CS: variants seen among roughly 807,000 people sequenced by gnomAD.
CS encodes citrate synthase, also known as citrate synthase, mitochondrial.
CS carries 13 observed loss-of-function variants against 61.4 expected under a neutral mutation model. The observed-to-expected ratio is 0.21, with a 90% CI of 0.14 to 0.34. CS has a LOEUF of 0.34. CS is among the 10% of genes least tolerant of loss of function. CS has a pLI of 1.00. For missense variants in CS, 278 were observed against 573.4 expected, an observed-to-expected ratio of 0.48 and a Z score of 5.26; for synonymous variants, 159 against 215.2, an observed-to-expected ratio of 0.74 and a Z score of 2.29.
In CS at chr12:56,287,425, T is replaced by C. The variant is rs1872971994; in HGVS notation, c.43-780A>G. Among the ~76,000 whole-genome samples the C allele has an allele frequency of 3.2e-5, 4 of 125,472 alleles. No homozygotes were observed. The South Asian group carries it at 9.8e-4, about 31-fold the overall frequency. 82.3% of individuals were successfully genotyped at this position (125,472 alleles called of 152,430 possible). On this transcript the variant is annotated intron_variant, in intron 1 of 10. Coordinates refer to ENST00000351328, the MANE Select transcript of CS (RefSeq NM_004077.3). ...TAAACCTTGGAGGCAGAGGTTGCAG[T>C]GAGCCAAGATTGTGCCACTGCACTC... is the stretch of plus-strand genomic sequence containing the variant.
chr12:56,291,856 C>G (rs904003010), intron 1 of CS: 1 of 152,234 alleles, frequency 6.6e-6, no homozygotes, highest in Non-Finnish European at 1.5e-5. Flanking sequence ...CAATGTCTGA[C>G]AGCCAGTATT....
chr12:56,287,479 C>CAAAAAAAA (rs61199207), intron 1 of CS, among the ~76,000 whole-genome samples: 4 of 44,716 alleles, frequency 8.9e-5, no homozygotes, highest in Non-Finnish European at 8.0e-5. Context: ...AAGACTCTGT[C>CAAAAAAAA]AAAAAAAAAA....
At chr12:56,293,475 G>C (rs1168721886) in intron 1 of CS, among the ~76,000 whole-genome samples, 1 of 152,198 alleles carries the variant, frequency 6.6e-6, no homozygotes, top group Non-Finnish European at 1.5e-5. Context: ...CCAACACCTT[G>C]GGAGGCCAAG....
In CS at chr12:56,287,479, CAAAAAAAAAAAAAAA is replaced by C. The variant is rs61199207; in HGVS notation, c.43-849_43-835del. On this transcript the variant is annotated intron_variant, in intron 1 of 10. Transcript: ENST00000351328. ...CCTGGGCAAATGAGCAAGACTCTGT[CAAAAAAAAAAAAAAA>C]AAAAAAAAAAAAAAAAGAGAGAGAG... Among the ~76,000 whole-genome samples the C allele has an allele frequency of 7.4e-4, 33 of 44,740 alleles. 2 individuals are homozygous for C. Among genetic ancestry groups the C allele is most frequent in the Middle Eastern group, 0.024 (1 of 42 alleles). The allele number at this position is 44,740 out of a possible 152,430, so 29.4% of individuals were successfully genotyped here.
chr12:56,280,181 C>T (rs888954228), intron 6 of CS, among the ~76,000 whole-genome samples: 37 of 151,594 alleles, frequency 2.4e-4, no homozygotes, highest in Admixed American at 7.9e-4. Flanking sequence ...TTTGGGAGGC[C>T]GAGGTGGGCA....
intron 2 of CS, 36 bp downstream of exon 2, chr12:56,286,559 T>C (rs1457142645): frequency 1.2e-6 from 2 of 1,607,236 alleles, no homozygotes; most frequent in African/African-American, 1.3e-5. Flanking sequence ...CTGGCCGCAA[T>C]GATTCTTATT....
intron 10 of CS, 95 bp downstream of exon 10, chr12:56,273,492 C>T: frequency 7.8e-7 from 1 of 1,278,910 alleles, no homozygotes; most frequent in Non-Finnish European, 1.1e-6. Flanking sequence ...TGAGGGAAGT[C>T]CCTGCTCTGA....
At chr12:56,279,826 G>A (rs1872721952) in intron 6 of CS, among the ~76,000 whole-genome samples, 1 of 151,048 alleles carries the variant, frequency 6.6e-6, no homozygotes, top group African/African-American at 2.4e-5. Context: ...AAATTAGCCA[G>A]GCGTGGTGGT....
chr12:56,273,361 G>A (rs1872557703), intron 10 of CS, 107 bp from the exon 11 acceptor site: 1 of 1,217,804 alleles, frequency 8.2e-7, no homozygotes, highest in African/African-American at 1.5e-5. Context: ...TTTCTCCAAG[G>A]ACTTAGCCCA....
At chr12:56,285,760 C>T (rs1224111288) in intron 3 of CS, among the ~76,000 whole-genome samples, 156 bp downstream of exon 3, 1 of 152,176 alleles carries the variant, frequency 6.6e-6, no homozygotes, top group African/African-American at 2.4e-5. Flanking sequence ...ATCAGCTGAG[C>T]TGCTCAGAAT....
In CS at chr12:56,276,212, A is replaced by G. The variant is rs768803065; in HGVS notation, c.589-17T>C. The G allele has an allele frequency of 6.2e-7, 1 of 1,611,926 alleles. No individual in the cohort carries two copies. Among genetic ancestry groups the G allele is most frequent in the Non-Finnish European group, 8.5e-7 (1 of 1,178,164 alleles). On this transcript the variant is annotated splice_polypyrimidine_tract_variant and intron_variant, in intron 6 of 10. Transcript: ENST00000351328. The stretch of plus-strand genomic sequence containing the variant: ...ATAAATCAACTGACAGAAGAGGAGC[A>G]AGATGGAGAAAAAAAAAGGAATTAT...
intron 6 of CS, among the ~76,000 whole-genome samples, chr12:56,281,661 A>T (rs948518413): frequency 2.6e-5 from 4 of 152,170 alleles, no homozygotes; most frequent in Non-Finnish European, 4.4e-5. Flanking sequence ...GTTAAGTCAC[A>T]TCCTTTTCTT....
At chr12:56,298,536 G>C (rs1038548518) in intron 1 of CS, 18 of 676,284 alleles carry the variant, frequency 2.7e-5, no homozygotes, top group Non-Finnish European at 3.1e-5. Context: ...TCAGAAATGA[G>C]CTAATTATAG....
chr12:56,273,692 C>G lies in CS; in HGVS notation c.1125G>C (p.Lys375Asn). 6.2e-7 allele frequency: 1 copy of G among 1,614,190 alleles called. No individual in the cohort carries two copies. Residue 375 changes from lysine to asparagine, a missense_variant, in exon 10 of 11, where the codon AAG (lysine) becomes AAC (asparagine). Physicochemically the swap from Lys to Asn is moderately conservative, Grantham distance 94 (BLOSUM62 0). Around this residue, in one of 2 missense-constraint regions of CS, gnomAD observed 223 missense variants for 503.5 expected, o/e 0.44. Coordinates refer to ENST00000351328, the MANE Select transcript of CS (RefSeq NM_004077.3). ...LKHLPNDPMF[K>N]LVAQLYKIVP... The stretch of plus-strand genomic sequence containing the variant: ...CAATCTTGTACAGCTGAGCAACCAA[C>G]TTAAACATGGGGTCATTAGGCAGGT...
intron 1 of CS, among the ~76,000 whole-genome samples, chr12:56,292,039 A>C (rs1027596522): frequency 3.9e-5 from 6 of 152,214 alleles, no homozygotes; most frequent in African/African-American, 1.4e-4. Flanking sequence ...ATAAAAATTA[A>C]AAGAGGCCAG....
chr12:56,293,946 A>C (rs940760884), intron 1 of CS, among the ~76,000 whole-genome samples: 1 of 152,190 alleles, frequency 6.6e-6, no homozygotes, highest in African/African-American at 2.4e-5. Flanking sequence ...GAGAACACGA[A>C]CACAAATAGG....
intron 1 of CS, among the ~76,000 whole-genome samples, chr12:56,287,478 T>TC (rs1215757929): frequency 6.2e-5 from 2 of 32,044 alleles, no homozygotes; most frequent in African/African-American, 1.5e-4. Flanking sequence ...CAAGACTCTG[T>TC]CAAAAAAAAA....
intron 10 of CS, 96 bp from the exon 11 acceptor site, chr12:56,273,350 T>A: frequency 7.5e-7 from 1 of 1,326,868 alleles, no homozygotes; most frequent in South Asian, 1.4e-5. Flanking sequence ...AATTTTCCAT[T>A]TTTCTCCAAG....
chr12:56,291,242 G>A (rs1873116121), intron 1 of CS: 2 of 1,145,514 alleles, frequency 1.7e-6, no homozygotes, highest in South Asian at 1.7e-5. Context: ...GAACTTCCTG[G>A]GAGTTGGATC....
Sources: allele counts gnomAD v4.1 joint callset (sites outside exome capture counted in the v4.1 genomes callset), GRCh38; gene constraint gnomAD v4.1.1; regional missense constraint gnomAD v4.1.1; transcripts MANE v1.5; gene names NCBI Gene and HGNC (gene_info 2026-07-23, HGNC 2026-07-21).